CYSTM1: variants seen among roughly 807,000 people sequenced by gnomAD.
CYSTM1 encodes cysteine-rich transmembrane module-containing protein 1.
Under a neutral mutation model 13.1 loss-of-function variants are expected in CYSTM1, and 4 were observed. The ratio of observed to expected loss-of-function variants is 0.31; its 90% CI spans 0.15 to 0.70. CYSTM1 has a LOEUF of 0.70. Among genes scored for constraint, CYSTM1 ranks in the 30% least tolerant of loss-of-function variants. The pLI is 0.72. For synonymous variants in CYSTM1, 36 were observed against 42.7 expected, an observed-to-expected ratio of 0.84 and a Z score of 0.62; for missense variants, 96 against 121.6, an observed-to-expected ratio of 0.79 and a Z score of 0.99.
chr5:140,194,873 C>T (rs1348773907), intron 2 of CYSTM1, among the ~76,000 whole-genome samples: 1 of 152,202 alleles, frequency 6.6e-6, no homozygotes, highest in Non-Finnish European at 1.5e-5. Flanking sequence ...GGGCTGATGA[C>T]TTCCTGGCCA....
At chr5:140,200,557 CTTTTTT>C (rs57173526) in intron 2 of CYSTM1, 43 of 78,732 alleles carry the variant, frequency 5.5e-4, no homozygotes, top group Admixed American at 2.9e-3. Context: ...TCCCCCCGGC[CTTTTTT>C]TTTTTTTTTT....
chr5:140,221,908 T>A (rs2126667480), intron 2 of CYSTM1, among the ~76,000 whole-genome samples: 1 of 152,378 alleles, frequency 6.6e-6, no homozygotes, highest in South Asian at 2.1e-4. Flanking sequence ...ATAATTCCAG[T>A]TTGATATATC....
At position 140,243,561 on chromosome 5, in the gene CYSTM1, G is replaced by A. The variant is rs200302949; in HGVS notation, c.*150G>A. 6.8e-4 allele frequency: 388 copies of A among 572,096 alleles called. 3 individuals carry two copies. In the African/African-American group the frequency reaches 7.0e-3, roughly 10 times the overall value. The allele number at this position is 572,096 out of a possible 1,614,324, so 35.4% of individuals were successfully genotyped here. The stretch of plus-strand genomic sequence containing the variant: ...CACTATGGGATTCTAGATTAATGGG[G>A]GTTGCTACTGTTTAATTCAGTGACT... On this transcript the variant is annotated 3_prime_UTR_variant, in exon 3 of 3. Transcript: ENST00000261811.
chr5:140,222,795 T>C (rs1428768026), intron 2 of CYSTM1, among the ~76,000 whole-genome samples: 1 of 152,222 alleles, frequency 6.6e-6, no homozygotes, highest in Non-Finnish European at 1.5e-5. Context: ...TACCCTGCAC[T>C]TTAGGAACTT....
In CYSTM1 at chr5:140,243,346, T is replaced by C. The variant is rs1243848844; in HGVS notation, c.229T>C (p.Ser77Pro). The C allele has an allele frequency of 6.2e-7, 1 of 1,614,178 alleles. No homozygotes were observed. The highest frequency in any genetic ancestry group is 1.7e-5 in the Admixed American group (1 of 60,020). The change falls in exon 3 of 3, where the codon TCC becomes CCC. Residue 77 changes from serine (S) to proline (P), a missense_variant. By Grantham distance (74) the Ser-to-Pro change is moderately conservative. Coordinates refer to ENST00000261811, the MANE Select transcript of CYSTM1 (RefSeq NM_032412.4). ...EDQRRDELGP[S>P]TCLTACWTAL... is the part of the protein sequence containing the mutation. ...CCAAAGAAGAGATGAGCTAGGACCATCCACCTGCCTCACAGCCTGCTGGAC... is the reference window on the plus strand; with the variant it reads ...CCAAAGAAGAGATGAGCTAGGACCACCCACCTGCCTCACAGCCTGCTGGAC...
chr5:140,194,341 G>T, intron 1 of CYSTM1, 105 bp from the exon 2 acceptor site: 3 of 1,100,690 alleles, frequency 2.7e-6, no homozygotes. Context: ...CACAAGGCTT[G>T]ATACACCTTG....
At chr5:140,233,604 G>T (rs1764644266) in intron 2 of CYSTM1, among the ~76,000 whole-genome samples, 1 of 152,218 alleles carries the variant, frequency 6.6e-6, no homozygotes, top group East Asian at 1.9e-4. Flanking sequence ...TATCAGTAAT[G>T]AATGAGAGTT....
rs970998746 is a variant in CYSTM1 at position 140,219,968 on chromosome 5, T to C, written c.188-23337T>C. ...GCTCCACTCAAAGTAACTTCTCTCT[T>C]TTTTTTTTCTGTAACCCAGTGCCTG... On this transcript the variant is annotated intron_variant, in intron 2 of 2. Transcript: ENST00000261811. This position sits in a 1 kb window ranked among gnomAD's most constrained non-coding sequence, Gnocchi z 4.1. 1.1e-4 allele frequency among the ~76,000 whole-genome samples: 17 copies of C among 151,706 alleles called. No homozygotes were observed. The highest frequency in any genetic ancestry group is 3.4e-3 in the Middle Eastern group (1 of 292).
chr5:140,242,981 G>T (rs1039369226), intron 2 of CYSTM1, among the ~76,000 whole-genome samples: 3 of 152,182 alleles, frequency 2.0e-5, no homozygotes, highest in Non-Finnish European at 4.4e-5. Context: ...TCCCCTCCAG[G>T]GGGGAAGACA....
intron 1 of CYSTM1, among the ~76,000 whole-genome samples, chr5:140,183,406 C>T (rs552639757): frequency 7.2e-5 from 11 of 152,326 alleles, no homozygotes; most frequent in East Asian, 3.9e-4. Context: ...CCCATTTTCT[C>T]TCCATTCTCA....
Position 140,205,254 on chromosome 5 carries a change from G to C in CYSTM1, c.187+10602G>C, listed in dbSNP as rs111686309. Among the ~76,000 whole-genome samples, 350 of 152,310 alleles carry C rather than the reference G, an allele frequency of 2.3e-3. 5 individuals are homozygous for C. Among genetic ancestry groups the C allele is most frequent in the Non-Finnish European group, 3.2e-3 (216 of 68,038 alleles). ...TATTCCACGGTCAGAGATTGTGGGG[G>C]AGGTGATAGAATGGCATATTTCTCC... On this transcript the variant is annotated intron_variant, in intron 2 of 2. Transcript: ENST00000261811.
At chr5:140,229,342 G>A (rs1202701967) in intron 2 of CYSTM1, among the ~76,000 whole-genome samples, 5 of 151,920 alleles carry the variant, frequency 3.3e-5, no homozygotes, top group Admixed American at 6.6e-5. Context: ...TTACAGGCAC[G>A]CGCCACCATA....
At chr5:140,238,427 C>T (rs1004526758) in intron 2 of CYSTM1, among the ~76,000 whole-genome samples, 2 of 152,200 alleles carry the variant, frequency 1.3e-5, no homozygotes, top group African/African-American at 2.4e-5. Context: ...AGGACAGAAG[C>T]TGGGCTGGTC....
At chr5:140,212,240 G>T (rs1482419383) in intron 2 of CYSTM1, among the ~76,000 whole-genome samples, 1 of 152,000 alleles carries the variant, frequency 6.6e-6, no homozygotes, top group African/African-American at 2.4e-5. Context: ...AGGATGTCTT[G>T]GTCAACAACA....
chr5:140,193,223 T>C (rs940306948), intron 1 of CYSTM1, among the ~76,000 whole-genome samples: 3 of 152,208 alleles, frequency 2.0e-5, no homozygotes, highest in South Asian at 4.1e-4. Flanking sequence ...ACAGATGATA[T>C]GTTAAGTGAG....
chr5:140,198,755 A>T (rs946484326), intron 2 of CYSTM1, among the ~76,000 whole-genome samples: 1 of 152,180 alleles, frequency 6.6e-6, no homozygotes, highest in African/African-American at 2.4e-5. Flanking sequence ...GTACAATCCA[A>T]TGGTTTTCAG....
intron 2 of CYSTM1, among the ~76,000 whole-genome samples, chr5:140,228,531 A>G (rs1007610181): frequency 1.3e-5 from 2 of 152,166 alleles, no homozygotes; most frequent in African/African-American, 4.8e-5. Flanking sequence ...GCTGCTGAGT[A>G]CCTGATGTGT....
chr5:140,191,143 C>G (rs748296327), intron 1 of CYSTM1, among the ~76,000 whole-genome samples: 2 of 152,216 alleles, frequency 1.3e-5, no homozygotes, highest in Non-Finnish European at 2.9e-5. Context: ...TCATCCTGCA[C>G]ACGTGCTCTT....
intron 2 of CYSTM1, chr5:140,228,725 A>G (rs921297466): frequency 7.5e-6 from 3 of 399,012 alleles, no homozygotes; most frequent in African/African-American, 6.2e-5. Context: ...CACCCCCTTC[A>G]ACAGTGTACG....
Sources: allele counts gnomAD v4.1 joint callset (sites outside exome capture counted in the v4.1 genomes callset), GRCh38; gene constraint gnomAD v4.1.1; non-coding constraint Gnocchi (gnomAD v3.1); transcripts MANE v1.5; gene names NCBI Gene and HGNC (gene_info 2026-07-23, HGNC 2026-07-21).